CYP27A1: variants seen among roughly 807,000 people sequenced by gnomAD.
CYP27A1 encodes cytochrome P450 family 27 subfamily A member 1, also known as sterol 26-hydroxylase, mitochondrial.
Under a neutral mutation model 58.2 loss-of-function variants are expected in CYP27A1, and 46 were observed. That is an observed-to-expected ratio of 0.79 (90% confidence interval 0.62 to 1.01). The LOEUF (loss-of-function observed/expected upper bound fraction) is 1.01. Among genes scored for constraint, CYP27A1 ranks in the 50% least tolerant of loss-of-function variants. CYP27A1 has a pLI of 0.00. For synonymous variants in CYP27A1, 274 were observed against 285.1 expected (o/e 0.96, Z 0.39); for missense variants, 704 against 687.0 (o/e 1.02, Z -0.28).
chr2:218,799,231 T>G (rs1490846851), intron 1 of CYP27A1, among the ~76,000 whole-genome samples: 2 of 152,168 alleles, frequency 1.3e-5, no homozygotes, highest in Non-Finnish European at 2.9e-5. Flanking sequence ...CCAAGCCTCT[T>G]TATGTTTCTA....
In CYP27A1 at chr2:218,812,398, T is replaced by C. The variant is rs1373777267; in HGVS notation, c.623T>C (p.Leu208Pro). The C allele has an allele frequency of 1.2e-6, 2 of 1,614,126 alleles. No individual in the cohort carries two copies. The highest frequency in any genetic ancestry group is 2.2e-5 in the South Asian group (2 of 91,080). ...AACCAGGTGTCGGACATGGCTCAAC[T>C]CTTCTACTACTTTGCCTTGGAAGGT... is the stretch of plus-strand genomic sequence containing the variant. ...SGNQVSDMAQ[L>P]FYYFALEAIC... Residue 208 changes from leucine to proline, a missense_variant, in exon 3 of 9, where the codon CTC (leucine) becomes CCC (proline). Physicochemically the swap from Leu to Pro is moderately conservative, Grantham distance 98. Transcript: ENST00000258415.
intron 3 of CYP27A1, 61 bp downstream of exon 3, chr2:218,812,482 C>A: frequency 6.2e-7 from 1 of 1,608,558 alleles, no homozygotes; most frequent in South Asian, 1.1e-5. Flanking sequence ...TGTGCTCCCT[C>A]TCCTCAAGGG....
chr2:218,800,550 A>G (rs1157992430), intron 1 of CYP27A1, among the ~76,000 whole-genome samples: 5 of 152,236 alleles, frequency 3.3e-5, no homozygotes, highest in African/African-American at 1.2e-4. Context: ...TTGTGGCTAT[A>G]TACCACATTT....
chr2:218,795,281 A>G (rs1054577667), intron 1 of CYP27A1, among the ~76,000 whole-genome samples: 1 of 151,962 alleles, frequency 6.6e-6, no homozygotes, highest in African/African-American at 2.4e-5. Context: ...TAGGGCTTTG[A>G]CCCGAAGCTT....
chr2:218,799,328 C>T (rs1034881823), intron 1 of CYP27A1, among the ~76,000 whole-genome samples: 1 of 152,160 alleles, frequency 6.6e-6, no homozygotes, highest in Non-Finnish European at 1.5e-5. Context: ...ACAAACCATC[C>T]AGACGGCACA....
intron 1 of CYP27A1, among the ~76,000 whole-genome samples, chr2:218,795,731 A>G (rs906999540): frequency 6.6e-6 from 1 of 152,218 alleles, no homozygotes; most frequent in Non-Finnish European, 1.5e-5. Flanking sequence ...ATTTAATTAC[A>G]AATGTATAAG....
In CYP27A1 at chr2:218,814,184, T is replaced by C. The variant is rs1406298698; in HGVS notation, c.1181T>C (p.Leu394Pro). The change falls in exon 6 of 9, where the codon CTG becomes CCG. Residue 394 changes from leucine to proline, a missense_variant. Coordinates refer to ENST00000258415, the MANE Select transcript of CYP27A1 (RefSeq NM_000784.4). ...PLLKAVLKET[L>P]RLYPVVPTNS... ...CTCAAAGCTGTGCTTAAGGAGACTC[T>C]GCGGTAGGACAGAATGCTGTTCTGG... 4.3e-6 allele frequency: 7 copies of C among 1,614,144 alleles called. No homozygotes were observed. Among genetic ancestry groups the C allele is most frequent in the Admixed American group, 3.3e-5 (2 of 60,008 alleles).
chr2:218,784,344 G>A (rs562358503), intron 1 of CYP27A1, among the ~76,000 whole-genome samples: 1 of 152,342 alleles, frequency 6.6e-6, no homozygotes, highest in South Asian at 2.1e-4. Context: ...AGTCACATAA[G>A]CAGGCTGCTG....
At position 218,813,085 on chromosome 2, in the gene CYP27A1, G is replaced by C; in HGVS notation, c.1006G>C (p.Gly336Arg). 6.2e-7 allele frequency: 1 copy of C among 1,611,434 alleles called. No homozygotes were observed. The highest frequency in any genetic ancestry group is 8.5e-7 in the Non-Finnish European group (1 of 1,177,990). ...MGSLPELLMA[G>R]VDTTSNTLTW... Reference sequence around the variant, plus strand: ...CAGCCTGCCTGAGCTGCTCATGGCTGGAGTGGACACGGTGCGTGAAGGGGG... The same window carrying C: ...CAGCCTGCCTGAGCTGCTCATGGCTCGAGTGGACACGGTGCGTGAAGGGGG... The change falls in exon 5 of 9, where the codon GGA (glycine) becomes CGA (arginine). Residue 336 changes from glycine (G) to arginine (R), a missense_variant. Transcript: ENST00000258415.
chr2:218,796,650 G>A (rs1370172335), intron 1 of CYP27A1, among the ~76,000 whole-genome samples: 1 of 152,108 alleles, frequency 6.6e-6, no homozygotes, highest in Non-Finnish European at 1.5e-5. Context: ...AAATTCTAGA[G>A]GAACCTGGCA....
rs534844099 is a variant in CYP27A1 at position 218,782,402 on chromosome 2, G to T, written c.220G>T (p.Val74Phe). The part of the protein sequence containing the change: ...GQLRFFFQLF[V>F]QGYALQLHQL... ...GCTGCGCTTCTTCTTTCAGCTGTTCGTTCAAGGCTATGCCCTGCAACTGCA... is the reference window on the plus strand; with the variant it reads ...GCTGCGCTTCTTCTTTCAGCTGTTCTTTCAAGGCTATGCCCTGCAACTGCA... Residue 74 changes from valine (V) to phenylalanine (F), a missense_variant, in exon 1 of 9, where the codon GTT (valine) becomes TTT (phenylalanine). Physicochemically the swap from Val to Phe is conservative, Grantham distance 50. Transcript: ENST00000258415. This position sits in a 1 kb window ranked among gnomAD's most constrained non-coding sequence, Gnocchi z 4.1. 2 of 1,614,202 alleles carry T rather than the reference G, an allele frequency of 1.2e-6. No individual in the cohort carries two copies. The highest frequency in any genetic ancestry group is 2.2e-5 in the South Asian group (2 of 91,088).
intron 1 of CYP27A1, among the ~76,000 whole-genome samples, chr2:218,800,936 T>C (rs534543725): frequency 2.0e-5 from 3 of 152,228 alleles, no homozygotes; most frequent in Non-Finnish European, 4.4e-5. Flanking sequence ...TTTTAATGGC[T>C]GAAAAGCATT....
At position 218,782,181 on chromosome 2, in the gene CYP27A1, C is replaced by G. The variant is rs753546786; in HGVS notation, c.-2C>G. 5.2e-6 allele frequency: 8 copies of G among 1,536,160 alleles called. No homozygotes were observed. The South Asian group carries it at 6.0e-5, about 11-fold the overall frequency. On this transcript the variant is annotated 5_prime_UTR_variant, in exon 1 of 9. Transcript: ENST00000258415. The surrounding 1 kb of genome is among the most constrained non-coding windows in gnomAD (Gnocchi z 4.1). ...AAAGGTGCAGGCGCGCGAGCACAAC[C>G]CATGGCTGCGCTGGGCTGCGCGAGG...
chr2:218,782,215 G>A lies in CYP27A1; in HGVS notation c.33G>A (p.Trp11Ter), dbSNP rs1319938730. ...CGCTGGGCTGCGCGAGGCTGAGGTGGGCGCTGCGAGGGGCCGGCCGTGGCC... is the reference window on the plus strand; with the variant it reads ...CGCTGGGCTGCGCGAGGCTGAGGTGAGCGCTGCGAGGGGCCGGCCGTGGCC... MAALGCARLR[W>*]ALRGAGRGLC... The change falls in exon 1 of 9, where the codon TGG (tryptophan) becomes TGA (stop). Residue 11 changes from tryptophan (W) to a stop codon, truncating the protein, a stop_gained. Coordinates refer to ENST00000258415, the MANE Select transcript of CYP27A1 (RefSeq NM_000784.4). LOFTEE classifies it high-confidence loss of function. The surrounding 1 kb of genome is among the most constrained non-coding windows in gnomAD (Gnocchi z 4.1). 5 of 1,539,974 alleles carry A rather than the reference G, an allele frequency of 3.2e-6. No homozygotes were observed. The highest frequency in any genetic ancestry group is 4.4e-6 in the Non-Finnish European group (5 of 1,145,972).
chr2:218,794,344 G>A (rs1943525262), intron 1 of CYP27A1, among the ~76,000 whole-genome samples: 1 of 152,180 alleles, frequency 6.6e-6, no homozygotes, highest in African/African-American at 2.4e-5. Flanking sequence ...CATAGTTTTG[G>A]GAAAATGGCA....
chr2:218,803,599 T>C (rs751748493), intron 1 of CYP27A1, among the ~76,000 whole-genome samples: 40 of 152,028 alleles, frequency 2.6e-4, no homozygotes, highest in Non-Finnish European at 4.1e-4. Context: ...AATTTTTGTA[T>C]TTTTAATAGA....
intron 1 of CYP27A1, among the ~76,000 whole-genome samples, chr2:218,787,591 A>T (rs1269372666): frequency 1.3e-5 from 2 of 152,224 alleles, no homozygotes; most frequent in East Asian, 3.8e-4. Context: ...CAGTGTTGAC[A>T]GGTGGGACCT....
chr2:218,807,318 AC>A (rs1263968906), intron 1 of CYP27A1, among the ~76,000 whole-genome samples: 1 of 152,082 alleles, frequency 6.6e-6, no homozygotes, highest in African/African-American at 2.4e-5. Context: ...TTAAAAAGCA[AC>A]CTTTAAGGAA....
At chr2:218,796,078 G>A (rs1047136307) in intron 1 of CYP27A1, among the ~76,000 whole-genome samples, 1 of 152,166 alleles carries the variant, frequency 6.6e-6, no homozygotes, top group African/African-American at 2.4e-5. Flanking sequence ...CTGACCACGG[G>A]TCAGGAACCC....
Sources: gnomAD v4.1 joint callset for allele counts (sites outside exome capture counted in the v4.1 genomes callset) on GRCh38, gnomAD v4.1.1 for gene constraint, Gnocchi (gnomAD v3.1) non-coding constraint, MANE v1.5 for transcripts, NCBI Gene and HGNC (gene_info 2026-07-23, HGNC 2026-07-21) for gene names.